DACH2: variants seen among roughly 807,000 people sequenced by gnomAD.
DACH2 encodes the protein dachshund family transcription factor 2.
In DACH2, 17 loss-of-function variants were observed where a neutral mutation model predicts 35.8. The ratio of observed to expected loss-of-function variants is 0.48; its 90% CI spans 0.33 to 0.71. The LOEUF (loss-of-function observed/expected upper bound fraction) is 0.71. Ranked by LOEUF, DACH2 falls within the 30% of genes least tolerant of loss-of-function variation. The pLI is 0.02. For synonymous variants in DACH2, 195 were observed against 177.3 expected (o/e 1.10, Z -0.79); for missense variants, 469 against 472.7 (o/e 0.99, Z 0.07).
rs780398067 is a variant in DACH2, at chrX:86,149,457, C to T, written c.488+349C>T. 4.5e-5 allele frequency among the ~76,000 whole-genome samples: 5 copies of T among 111,771 alleles called. No individual in the cohort carries two copies. In the South Asian group the frequency reaches 1.9e-3, roughly 43 times the overall value. On this transcript the variant is annotated intron_variant, in intron 1 of 11. Coordinates refer to ENST00000373125, the MANE Select transcript of DACH2 (RefSeq NM_053281.3). ...GTTTTCTTTCCTGCTCTTTTGTGGC[C>T]GCACGGGTCGGATAGGTTTTCTTCT...
At chrX:86,307,100 C>G (rs1331063724) in intron 1 of DACH2, among the ~76,000 whole-genome samples, 2 of 111,619 alleles carry the variant, frequency 1.8e-5, no homozygotes, top group Non-Finnish European at 3.8e-5. Context: ...ATATCATTGG[C>G]CATATATGGA....
chrX:86,395,376 C>CT (rs2036268649), intron 2 of DACH2, among the ~76,000 whole-genome samples: 1 of 110,508 alleles, frequency 9.0e-6, no homozygotes, highest in Admixed American at 9.6e-5. Context: ...TATTATATTT[C>CT]TTTTTTATTT....
chrX:86,797,571 G>C (rs935996933), intron 7 of DACH2, among the ~76,000 whole-genome samples: 4 of 111,437 alleles, frequency 3.6e-5, no homozygotes, highest in African/African-American at 1.3e-4. Context: ...TGTAACAATA[G>C]TAAGTAAAGG....
At chrX:86,184,567 G>C (rs1260451636) in intron 1 of DACH2, among the ~76,000 whole-genome samples, 1 of 111,217 alleles carries the variant, frequency 9.0e-6, no homozygotes, top group Non-Finnish European at 1.9e-5. Flanking sequence ...ATAAACTCTG[G>C]CTTTAATAAG....
Position 86,755,869 on chromosome X carries a change from T to G in DACH2, c.1240+15987T>G, listed in dbSNP as rs775242659. 2.7e-5 allele frequency among the ~76,000 whole-genome samples: 3 copies of G among 110,874 alleles called. No homozygotes were observed. In the South Asian group the frequency reaches 1.2e-3, roughly 43 times the overall value. On this transcript the variant is annotated intron_variant, in intron 7 of 11. Transcript: ENST00000373125. ...GCCTCAGCCTCTCAAAGTGCTGGGA[T>G]TACAGGCGTGAGCCACCGTGCTCGG...
chrX:86,640,959 A>G (rs1219207231), intron 3 of DACH2, among the ~76,000 whole-genome samples: 1 of 112,322 alleles, frequency 8.9e-6, no homozygotes, highest in African/African-American at 3.2e-5. Context: ...GACTGTATTC[A>G]ATTTACACTG....
At chrX:86,782,195 A>G (rs750651770) in intron 7 of DACH2, among the ~76,000 whole-genome samples, 1 of 111,939 alleles carries the variant, frequency 8.9e-6, no homozygotes, top group East Asian at 2.8e-4. Context: ...AGAGGACACT[A>G]AAAAGTGGGA....
chrX:86,365,894 A>C (rs1171254928), intron 1 of DACH2, among the ~76,000 whole-genome samples: 1 of 111,562 alleles, frequency 9.0e-6, no homozygotes, highest in Non-Finnish European at 1.9e-5. Context: ...TTGCCAGGTA[A>C]GCAGAGAGGT....
At position 86,518,531 on chromosome X, in the gene DACH2, T is replaced by G. The variant is rs181635444; in HGVS notation, c.640+4140T>G. 6.2e-5 allele frequency among the ~76,000 whole-genome samples: 7 copies of G among 112,300 alleles called. No homozygotes were observed. The Admixed American group carries it at 6.6e-4, about 11-fold the overall frequency. ...TATTGATTATTCCCATCCATGAGCA[T>G]GGGATGTTTTTCAATTTGCTTACGT... On this transcript the variant is annotated intron_variant, in intron 3 of 11. Coordinates refer to ENST00000373125, the MANE Select transcript of DACH2 (RefSeq NM_053281.3).
At chrX:86,474,560 T>C (rs945059533) in intron 2 of DACH2, among the ~76,000 whole-genome samples, 1 of 112,031 alleles carries the variant, frequency 8.9e-6, no homozygotes, top group South Asian at 3.7e-4. Flanking sequence ...AGGGGTCTAG[T>C]TTCATTTTTC....
chrX:86,810,983 T>A (rs754007695), intron 7 of DACH2, among the ~76,000 whole-genome samples: 1 of 112,093 alleles, frequency 8.9e-6, no homozygotes, highest in Non-Finnish European at 1.9e-5. Context: ...AACAAAATAT[T>A]GTTTTCAAAG....
chrX:86,611,865 G>C (rs944260125), intron 3 of DACH2, among the ~76,000 whole-genome samples: 1 of 110,740 alleles, frequency 9.0e-6, no homozygotes, highest in African/African-American at 3.3e-5. Context: ...TCAGTGATGT[G>C]ACATTAAAAC....
intron 5 of DACH2, among the ~76,000 whole-genome samples, chrX:86,713,745 G>T (rs920243202): frequency 4.5e-5 from 5 of 111,306 alleles, no homozygotes; most frequent in Non-Finnish European, 3.8e-5. Context: ...GCCTATTAAG[G>T]GATAAGTAGA....
intron 1 of DACH2, among the ~76,000 whole-genome samples, chrX:86,373,873 GCT>G (rs2035926486): frequency 9.0e-6 from 1 of 111,535 alleles, no homozygotes; most frequent in Non-Finnish European, 1.9e-5. Flanking sequence ...TCTTTAAAAT[GCT>G]CTGTTTGAAG....
chrX:86,811,968 A>T (rs1006547315), intron 7 of DACH2, among the ~76,000 whole-genome samples: 1 of 112,234 alleles, frequency 8.9e-6, no homozygotes, highest in African/African-American at 3.2e-5. Flanking sequence ...AAGAGAGAAT[A>T]GATGTAACTT....
chrX:86,248,500 T>C (rs1183420726), intron 1 of DACH2, among the ~76,000 whole-genome samples: 1 of 110,835 alleles, frequency 9.0e-6, no homozygotes, highest in East Asian at 2.8e-4. Flanking sequence ...AGGTTAAATA[T>C]CTCTACAATG....
intron 2 of DACH2, among the ~76,000 whole-genome samples, chrX:86,439,177 G>A (rs764214165): frequency 8.9e-6 from 1 of 111,744 alleles, no homozygotes; most frequent in South Asian, 3.7e-4. Context: ...ATAACTGTTA[G>A]CCATTTGTAT....
intron 2 of DACH2, among the ~76,000 whole-genome samples, chrX:86,405,418 C>G (rs947614328): frequency 1.8e-5 from 2 of 111,499 alleles, no homozygotes. Context: ...CGGCCAGTCT[C>G]TTTTCATAGG....
chrX:86,702,872 A>G (rs928600332), intron 5 of DACH2, among the ~76,000 whole-genome samples: 1 of 111,515 alleles, frequency 9.0e-6, no homozygotes, highest in Non-Finnish European at 1.9e-5. Context: ...AATCCTACTG[A>G]AACTTTTCCA....
Sources: allele counts gnomAD v4.1 joint callset (sites outside exome capture counted in the v4.1 genomes callset), GRCh38; gene constraint gnomAD v4.1.1; transcripts MANE v1.5; gene names NCBI Gene and HGNC (gene_info 2026-07-23, HGNC 2026-07-21).